The following ROBO2 variants were observed in gnomAD, a reference collection of about 807,000 sequenced individuals.
ROBO2 encodes the protein roundabout guidance receptor 2, also known as roundabout homolog 2.
Under a neutral mutation model 160.8 loss-of-function variants are expected in ROBO2, and 53 were observed. That is an observed-to-expected ratio of 0.33 (90% CI 0.26 to 0.41). The LOEUF is 0.41. Ranked by LOEUF, ROBO2 falls within the 10% of genes least tolerant of loss-of-function variation. ROBO2 has a pLI of 1.00. For missense variants in ROBO2, 1,577 were observed against 1,722.4 expected (o/e 0.92, Z 1.49); for synonymous variants, 664 against 611.7 (o/e 1.09, Z -1.26).
chr3:76,279,526 T>G (rs539709196), intron 2 of ROBO2, among the ~76,000 whole-genome samples: 2 of 152,122 alleles, frequency 1.3e-5, no homozygotes, highest in South Asian at 4.1e-4. Context: ...TATATAGTTA[T>G]CAATTGAGTA....
intron 2 of ROBO2, among the ~76,000 whole-genome samples, chr3:77,320,500 G>T (rs960488975): frequency 2.6e-5 from 4 of 151,872 alleles, no homozygotes; most frequent in Non-Finnish European, 4.4e-5. Context: ...TTTGCCTCTA[G>T]AGGGACGCAA....
chr3:76,313,826 C>T (rs1413272945), intron 2 of ROBO2, among the ~76,000 whole-genome samples: 1 of 152,004 alleles, frequency 6.6e-6, no homozygotes, highest in Non-Finnish European at 1.5e-5. Context: ...CATATGGCAA[C>T]CTGCTCACCT....
intron 23 of ROBO2, among the ~76,000 whole-genome samples, chr3:77,628,452 G>C (rs1027107160): frequency 6.9e-6 from 1 of 145,654 alleles, no homozygotes; most frequent in African/African-American, 2.5e-5. Context: ...TTTTGTGGGG[G>C]GGGGGTAATT....
intron 2 of ROBO2, among the ~76,000 whole-genome samples, chr3:76,734,807 A>T (rs1266571624): frequency 4.6e-5 from 7 of 152,236 alleles, no homozygotes; most frequent in Non-Finnish European, 2.9e-5. Flanking sequence ...CAGCACCCCC[A>T]AAACTGTGAA....
intron 2 of ROBO2, among the ~76,000 whole-genome samples, chr3:77,412,187 A>G (rs775791002): frequency 2.4e-4 from 37 of 152,192 alleles, no homozygotes; most frequent in Middle Eastern, 3.2e-3. Flanking sequence ...ACAGCAAGCC[A>G]AAGACATCTG....
intron 1 of ROBO2, among the ~76,000 whole-genome samples, chr3:77,072,099 G>A (rs144010887): frequency 7.9e-5 from 12 of 152,140 alleles, no homozygotes; most frequent in Admixed American, 5.2e-4. Context: ...CAGCAGTTGC[G>A]TTAGATTCTC....
intron 2 of ROBO2, among the ~76,000 whole-genome samples, chr3:76,156,941 C>T (rs1202589278): frequency 6.6e-6 from 1 of 152,174 alleles, no homozygotes; most frequent in Non-Finnish European, 1.5e-5. Flanking sequence ...CATTGCACTC[C>T]AGCCTGGGCA....
chr3:76,782,128 TG>T (rs1282178933), intron 2 of ROBO2, among the ~76,000 whole-genome samples: 1 of 150,816 alleles, frequency 6.6e-6, no homozygotes, highest in Non-Finnish European at 1.5e-5. Context: ...ATTTCCCTTT[TG>T]ATTTCTTCTT....
chr3:77,348,772 C>G (rs2067965537), intron 2 of ROBO2, among the ~76,000 whole-genome samples: 1 of 152,152 alleles, frequency 6.6e-6, no homozygotes, highest in African/African-American at 2.4e-5. Context: ...CCCTTGCCTT[C>G]AGGTATCAGT....
Position 76,891,506 on chromosome 3 carries a change from T to C in ROBO2, c.110-206508T>C, listed in dbSNP as rs146810321. Among the ~76,000 whole-genome samples the C allele has an allele frequency of 1.5e-3, 232 of 152,288 alleles. 2 individuals are homozygous for C. Among genetic ancestry groups the C allele is most frequent in the African/African-American group, 5.3e-3 (219 of 41,564 alleles). ...ATCTCTTCTTGAGTTGATGTGGACATTGAAATTCGAGTATAATGACAGGTG... is the reference window on the plus strand; with the variant it reads ...ATCTCTTCTTGAGTTGATGTGGACACTGAAATTCGAGTATAATGACAGGTG... On this transcript the variant is annotated intron_variant, in intron 2 of 26. Transcript: ENST00000487694.
intron 2 of ROBO2, among the ~76,000 whole-genome samples, chr3:76,858,607 G>A (rs1334539594): frequency 1.3e-5 from 2 of 152,300 alleles, no homozygotes; most frequent in South Asian, 2.1e-4. Flanking sequence ...CATGTCATGA[G>A]TAATAAGAAG....
rs138384117 is a variant in ROBO2, at chr3:76,774,461, C to T, written c.110-323553C>T. 3.7e-3 allele frequency among the ~76,000 whole-genome samples: 556 copies of T among 150,948 alleles called. 4 individuals carry two copies. Among genetic ancestry groups the T allele is most frequent in the African/African-American group, 0.013 (529 of 41,408 alleles). ...AATTTCATAGCTTAGTCTAATTCAT[C>T]GTATATCTTAGTTTAAATCTTCCCA... On this transcript the variant is annotated intron_variant, in intron 2 of 26. Coordinates refer to the ROBO2 transcript ENST00000487694.
intron 1 of ROBO2, among the ~76,000 whole-genome samples, chr3:75,908,980 C>T (rs1946456661): frequency 6.6e-6 from 1 of 152,302 alleles, no homozygotes; most frequent in East Asian, 1.9e-4. Flanking sequence ...GAACTGCCAG[C>T]TTCGCAGTGA....
chr3:76,715,565 G>T (rs1277898982), intron 2 of ROBO2, among the ~76,000 whole-genome samples: 1 of 152,104 alleles, frequency 6.6e-6, no homozygotes, highest in Admixed American at 6.6e-5. Context: ...CTTGGTCCAT[G>T]GTCTGTAATG....
chr3:76,509,941 A>ACG (rs764736862), intron 2 of ROBO2, among the ~76,000 whole-genome samples: 5 of 151,832 alleles, frequency 3.3e-5, no homozygotes, highest in Non-Finnish European at 7.4e-5. Context: ...GCTCACACAC[A>ACG]CACACAGTTT....
chr3:77,409,020 C>T (rs570613462), intron 2 of ROBO2, among the ~76,000 whole-genome samples: 1 of 151,480 alleles, frequency 6.6e-6, no homozygotes, highest in South Asian at 2.1e-4. Flanking sequence ...AGGTGTGAGC[C>T]ATCATACCTG....
At chr3:75,944,240 C>G (rs1576244652) in intron 2 of ROBO2, among the ~76,000 whole-genome samples, 1 of 152,030 alleles carries the variant, frequency 6.6e-6, no homozygotes, top group Non-Finnish European at 1.5e-5. Context: ...TAACTTAAGT[C>G]CTTTATGTAC....
chr3:76,492,859 AT>A (rs1194589935), intron 2 of ROBO2, among the ~76,000 whole-genome samples: 3 of 152,250 alleles, frequency 2.0e-5, no homozygotes, highest in African/African-American at 7.2e-5. Context: ...CATTCTAGCA[AT>A]TTTTATAACG....
chr3:76,126,026 C>T (rs1318112475), intron 2 of ROBO2, among the ~76,000 whole-genome samples: 2 of 152,052 alleles, frequency 1.3e-5, no homozygotes, highest in Non-Finnish European at 2.9e-5. Flanking sequence ...GAGGTTTCAC[C>T]ATGTCTCTGA....
Sources: allele counts gnomAD v4.1 joint callset (sites outside exome capture counted in the v4.1 genomes callset), GRCh38; gene constraint gnomAD v4.1.1; transcripts MANE v1.5; gene names NCBI Gene and HGNC (gene_info 2026-07-23, HGNC 2026-07-21).